CIST1: variants seen among roughly 807,000 people sequenced by gnomAD.
The protein encoded by CIST1 is uncharacterized LOC729966.
chr19:18,250,148 G>A, the CIST1 span: 55 of 398,674 alleles, frequency 1.4e-4, no homozygotes, highest in African/African-American at 1.1e-3. Flanking sequence ...GGAGGTGGTG[G>A]GCAAAGGACA....
the CIST1 span, among the ~76,000 whole-genome samples, chr19:18,254,681 CAG>C: frequency 8.9e-4 from 135 of 152,260 alleles, no homozygotes; most frequent in Non-Finnish European, 1.6e-3. Context: ...GGACACCGGT[CAG>C]AGAGAGTGAC....
chr19:18,254,911 G>A, the CIST1 span, among the ~76,000 whole-genome samples: 3 of 152,254 alleles, frequency 2.0e-5, no homozygotes, highest in Non-Finnish European at 4.4e-5. Flanking sequence ...TCCCTTTGGG[G>A]ATTGGCTAAA....
At chr19:18,255,016 C>T in the CIST1 span, among the ~76,000 whole-genome samples, 1 of 152,206 alleles carries the variant, frequency 6.6e-6, no homozygotes, top group African/African-American at 2.4e-5. This position sits in a 1 kb window ranked among gnomAD's most constrained non-coding sequence, Gnocchi z 4.6. Context: ...GACCCACAGC[C>T]CCAGGGCTTG....
the CIST1 span, chr19:18,252,586 G>A: frequency 1.5e-5 from 6 of 397,398 alleles, no homozygotes; most frequent in Non-Finnish European, 2.7e-5. Context: ...GCAACATAGC[G>A]AGACCCTCTC....
At chr19:18,255,302 C>T in the CIST1 span, 12 of 399,246 alleles carry the variant, frequency 3.0e-5, no homozygotes, top group South Asian at 1.3e-4. The surrounding 1 kb of genome is among the most constrained non-coding windows in gnomAD (Gnocchi z 4.6). Context: ...GCTGGGGGCA[C>T]GCCATTCCTG....
At chr19:18,255,368 G>C in the CIST1 span, 1 of 398,560 alleles carries the variant, frequency 2.5e-6, no homozygotes, top group African/African-American at 2.1e-5. This position sits in a 1 kb window ranked among gnomAD's most constrained non-coding sequence, Gnocchi z 4.6. Flanking sequence ...TGTGTGCCCA[G>C]GTGCCAGCTC....
the CIST1 span, among the ~76,000 whole-genome samples, chr19:18,251,282 T>A: frequency 6.9e-6 from 1 of 145,210 alleles, no homozygotes; most frequent in African/African-American, 2.6e-5. Context: ...CCCGCCACCA[T>A]GCCTGGCTAT....
chr19:18,252,675 T>C, the CIST1 span, among the ~76,000 whole-genome samples: 1 of 151,942 alleles, frequency 6.6e-6, no homozygotes, highest in African/African-American at 2.4e-5. Flanking sequence ...TGGAGAGCAG[T>C]GGTGCCATCT....
chr19:18,252,927 T>G, the CIST1 span, among the ~76,000 whole-genome samples: 1 of 152,148 alleles, frequency 6.6e-6, no homozygotes, highest in Non-Finnish European at 1.5e-5. Context: ...TATTTTTAAT[T>G]AATTTATTTT....
the CIST1 span, chr19:18,250,485 A>G: frequency 0.34 from 133,785 of 398,708 alleles, 24,446 homozygotes; most frequent in African/African-American, 0.58. Context: ...GGGGAAAGGA[A>G]CTCAGAGTCA....
chr19:18,251,218 T>C, the CIST1 span, among the ~76,000 whole-genome samples: 2 of 151,384 alleles, frequency 1.3e-5, no homozygotes, highest in Admixed American at 1.3e-4. Flanking sequence ...CTCCGCCTCC[T>C]GGGTTCAAAT....
At chr19:18,253,943 C>A in the CIST1 span, among the ~76,000 whole-genome samples, 1 of 152,204 alleles carries the variant, frequency 6.6e-6, no homozygotes, top group African/African-American at 2.4e-5. Flanking sequence ...CTGCTCTGGG[C>A]CAAACTTTGT....
At chr19:18,255,326 T>G in the CIST1 span, 1 of 398,770 alleles carries the variant, frequency 2.5e-6, no homozygotes, top group Non-Finnish European at 4.4e-6. The surrounding 1 kb of genome is among the most constrained non-coding windows in gnomAD (Gnocchi z 4.6). Context: ...CGGGAGGGCC[T>G]GCCACCGGCT....
chr19:18,252,355 T>A, the CIST1 span: 6 of 398,986 alleles, frequency 1.5e-5, no homozygotes, highest in Admixed American at 2.6e-4. Context: ...TCCAAACTCA[T>A]GGTGCTGGAG....
At chr19:18,253,184 G>A in the CIST1 span, among the ~76,000 whole-genome samples, 1 of 152,108 alleles carries the variant, frequency 6.6e-6, no homozygotes, top group Non-Finnish European at 1.5e-5. Flanking sequence ...TTTCTTTTCT[G>A]TAAAATGGAG....
At chr19:18,251,983 TC>T in the CIST1 span, 2 of 397,858 alleles carry the variant, frequency 5.0e-6, no homozygotes, top group Non-Finnish European at 8.9e-6. Context: ...GGGCTGTACC[TC>T]CCCCTGGTGG....
the CIST1 span, chr19:18,252,270 G>A: frequency 2.3e-5 from 9 of 399,210 alleles, no homozygotes; most frequent in East Asian, 3.2e-4. Context: ...CCTTGAATCT[G>A]TGGAGCTGGG....
chr19:18,252,824 C>T, the CIST1 span, among the ~76,000 whole-genome samples: 171 of 152,330 alleles, frequency 1.1e-3, 1 homozygote, highest in Middle Eastern at 6.8e-3. Flanking sequence ...CCAGATTTGT[C>T]TCGAACTTCT....
At chr19:18,251,462 T>A in the CIST1 span, among the ~76,000 whole-genome samples, 1 of 151,236 alleles carries the variant, frequency 6.6e-6, no homozygotes, top group East Asian at 1.9e-4. Context: ...TGAGACAGAG[T>A]CTTACTCTGC....
Sources: allele counts gnomAD v4.1 joint callset (sites outside exome capture counted in the v4.1 genomes callset), GRCh38; gene constraint gnomAD v4.1.1; non-coding constraint Gnocchi (gnomAD v3.1); transcripts MANE v1.5; gene names NCBI Gene and HGNC (gene_info 2026-07-23, HGNC 2026-07-21).